Variants in LPIN3 observed in about 807,000 individuals in gnomAD.
The protein encoded by LPIN3 is phosphatidate phosphatase LPIN3.
LPIN3 carries 82 observed loss-of-function variants against 94.7 expected under a neutral mutation model. The ratio of observed to expected loss-of-function variants is 0.87; its 90% CI spans 0.72 to 1.04. The LOEUF is 1.04. Ranked by LOEUF, LPIN3 falls within the 50% of genes least tolerant of loss-of-function variation. The probability of loss-of-function intolerance (pLI) is 0.00; values close to 1 mark genes in which losing one functional copy is unlikely to be tolerated. For missense variants in LPIN3, 996 were observed against 1,090.5 expected (o/e 0.91, Z 1.22); for synonymous variants, 418 against 443.3 (o/e 0.94, Z 0.72).
chr20:41,355,856 T>C, intron 13 of LPIN3, 40 bp from the exon 14 acceptor site: 1 of 1,609,500 alleles, frequency 6.2e-7, no homozygotes, highest in South Asian at 1.1e-5. Flanking sequence ...GAAGGCCCTT[T>C]GGCTGGAGGA....
Position 41,354,840 on chromosome 20 carries a change from G to A in LPIN3, c.1641G>A (p.Lys547=). 2 of 1,585,332 alleles carry A rather than the reference G, an allele frequency of 1.3e-6. No homozygotes were observed. Among genetic ancestry groups the A allele is most frequent in the Non-Finnish European group, 8.6e-7 (1 of 1,165,416 alleles). ...LAEERSAQKE[K]TAAKEQQGEK... is the part of the protein sequence containing the mutation. ...CACAGCGCAGTGCCCAGAAGGAGAA[G>A]ACTGCAGCCAAGGAGCAGCAGGGGT... is the stretch of plus-strand genomic sequence containing the variant. Residue 547 remains lysine, a synonymous_variant, in exon 13 of 20, where the codon AAG becomes AAA. Coordinates refer to ENST00000373257, the MANE Select transcript of LPIN3 (RefSeq NM_022896.3).
intron 2 of LPIN3, among the ~76,000 whole-genome samples, chr20:41,347,030 A>G (rs1173960692): frequency 6.6e-6 from 1 of 152,222 alleles, no homozygotes; most frequent in East Asian, 1.9e-4. Flanking sequence ...CCAAAGCCTC[A>G]GTTTCCTCAT....
chr20:41,349,187 G>T lies in LPIN3; in HGVS notation c.638+15G>T. 1 of 1,612,402 alleles carries T rather than the reference G, an allele frequency of 6.2e-7. No individual in the cohort carries two copies. The highest frequency in any genetic ancestry group is 8.5e-7 in the Non-Finnish European group (1 of 1,178,770). On this transcript the variant is annotated intron_variant, in intron 5 of 19. Transcript: ENST00000373257. ...CCCCAGGCCAGGTAAGAGTCCAGGTGGGCTGCAGGCCAGGACTCCAGATCA... is the reference window on the plus strand; with the variant it reads ...CCCCAGGCCAGGTAAGAGTCCAGGTTGGCTGCAGGCCAGGACTCCAGATCA...
At chr20:41,347,496 T>C (rs988203747) in intron 2 of LPIN3, 56 bp from the exon 3 acceptor site, 1 of 1,553,710 alleles carries the variant, frequency 6.4e-7, no homozygotes, top group African/African-American at 1.4e-5. Context: ...AGGAGGCCTG[T>C]GGTCGGAAGC....
Position 41,352,235 on chromosome 20 carries a change from G to A in LPIN3, c.1363+15G>A, listed in dbSNP as rs2046047149. On this transcript the variant is annotated intron_variant, in intron 9 of 19. Coordinates refer to ENST00000373257, the MANE Select transcript of LPIN3 (RefSeq NM_022896.3). Reference sequence around the variant, plus strand: ...CATCTCCCTAGGTATGTTCGACCATGGCCAAGCCCTTTTGAGGGCTGGTGC... The same window carrying A: ...CATCTCCCTAGGTATGTTCGACCATAGCCAAGCCCTTTTGAGGGCTGGTGC... 1.2e-6 allele frequency: 2 copies of A among 1,613,544 alleles called. No individual in the cohort carries two copies. Among genetic ancestry groups the A allele is most frequent in the Non-Finnish European group, 1.7e-6 (2 of 1,179,620 alleles).
intron 14 of LPIN3, among the ~76,000 whole-genome samples, chr20:41,356,770 G>A (rs886896360): frequency 1.7e-4 from 26 of 152,266 alleles, no homozygotes; most frequent in African/African-American, 6.0e-4. Flanking sequence ...TCATGGATGC[G>A]GCTTTGTGGG....
chr20:41,348,973 G>A, intron 4 of LPIN3, 86 bp downstream of exon 4: 1 of 1,575,904 alleles, frequency 6.3e-7, no homozygotes, highest in East Asian at 2.2e-5. Context: ...TTGGGCAAGG[G>A]CCTTGACCTC....
Position 41,355,108 on chromosome 20 carries a change from G to A in LPIN3, c.1664+245G>A, listed in dbSNP as rs369872009. Among the ~76,000 whole-genome samples, 27 of 152,150 alleles carry A rather than the reference G, an allele frequency of 1.8e-4. 1 individual carries two copies. The East Asian group carries it at 2.1e-3, about 12-fold the overall frequency. On this transcript the variant is annotated intron_variant, in intron 13 of 19. Coordinates refer to ENST00000373257, the MANE Select transcript of LPIN3 (RefSeq NM_022896.3). ...TGGCTCACTGCAACCTCCACCTCCCGGGTTCAAGCGATTTTCCTGCCTCAG... is the reference window on the plus strand; with the variant it reads ...TGGCTCACTGCAACCTCCACCTCCCAGGTTCAAGCGATTTTCCTGCCTCAG...
In LPIN3 at chr20:41,359,238, C is replaced by T. The variant is rs954393722; in HGVS notation, c.*372C>T. Reference sequence around the variant, plus strand: ...GCAACCTCCGCCTCCCGGGTTCAAGCGATTCACCTGCCTCAGCCTCCCAAG... The same window carrying T: ...GCAACCTCCGCCTCCCGGGTTCAAGTGATTCACCTGCCTCAGCCTCCCAAG... On this transcript the variant is annotated 3_prime_UTR_variant, in exon 20 of 20. Coordinates refer to ENST00000373257, the MANE Select transcript of LPIN3 (RefSeq NM_022896.3). The T allele has an allele frequency of 3.9e-5, 6 of 155,536 alleles. No individual in the cohort carries two copies. The highest frequency in any genetic ancestry group is 4.2e-5 in the Non-Finnish European group (3 of 72,058). The allele number at this position is 155,536 out of a possible 1,614,324, so 9.6% of individuals were successfully genotyped here. A position where few individuals can be genotyped will look rare whatever the true frequency, so the allele number is the denominator to read the frequency against.
intron 14 of LPIN3, 33 bp from the exon 15 acceptor site, chr20:41,357,007 A>G: frequency 1.3e-6 from 2 of 1,599,916 alleles, no homozygotes; most frequent in African/African-American, 1.3e-5. Flanking sequence ...GGCTGTCATC[A>G]ATCACGACAC....
At position 41,358,050 on chromosome 20, in the gene LPIN3, C is replaced by G; in HGVS notation, c.2192+16C>G. ...CCCTCCACAGGTAACCACCCCTACA[C>G]ATACAAGCCCGTGGCCCCCTGGTGG... On this transcript the variant is annotated intron_variant, in intron 17 of 19. Coordinates refer to ENST00000373257, the MANE Select transcript of LPIN3 (RefSeq NM_022896.3). 2 of 1,581,464 alleles carry G rather than the reference C, an allele frequency of 1.3e-6. No homozygotes were observed. Among genetic ancestry groups the G allele is most frequent in the Non-Finnish European group, 1.7e-6 (2 of 1,164,334 alleles).
chr20:41,358,263 T>C lies in LPIN3; in HGVS notation c.2219T>C (p.Val740Ala), dbSNP rs1399610251. The C allele has an allele frequency of 4.3e-6, 7 of 1,613,762 alleles. No individual in the cohort carries two copies. Among genetic ancestry groups the C allele is most frequent in the African/African-American group, 1.3e-5 (1 of 74,854 alleles). The change falls in exon 18 of 20, where the codon GTG (valine) becomes GCG (alanine). Residue 740 changes from valine (V) to alanine (A), a missense_variant. Physicochemically the swap from Val to Ala is moderately conservative, Grantham distance 64. Transcript: ENST00000373257. The stretch of plus-strand genomic sequence containing the variant: ...GAGGTGATCGAGAAGAAACCAGAGG[T>C]GTTCAAGGTCGCCTGCCTGAGTGAC... ...HREVIEKKPE[V>A]FKVACLSDIQ...
chr20:41,349,960 G>C, intron 6 of LPIN3, 66 bp downstream of exon 6: 1 of 1,575,014 alleles, frequency 6.3e-7, no homozygotes, highest in Non-Finnish European at 8.6e-7. Flanking sequence ...ATGGGTCAGG[G>C]TTGGAGGGAC....
At chr20:41,353,273 T>C (rs1291033523) in intron 11 of LPIN3, among the ~76,000 whole-genome samples, 12 of 152,244 alleles carry the variant, frequency 7.9e-5, no homozygotes, top group Non-Finnish European at 1.5e-5. Flanking sequence ...TCCTCCAGGC[T>C]GGGCTGAAGG....
chr20:41,352,733 A>T, intron 10 of LPIN3, 34 bp downstream of exon 10: 1 of 1,612,856 alleles, frequency 6.2e-7, no homozygotes, highest in Non-Finnish European at 8.5e-7. Context: ...TGGCAGCCGG[A>T]GAGTCATTTC....
chr20:41,357,526 G>C (rs991032008), intron 16 of LPIN3, 79 bp downstream of exon 16: 3 of 1,266,350 alleles, frequency 2.4e-6, no homozygotes, highest in African/African-American at 3.0e-5. Context: ...GACATCTTGG[G>C]GACCAGCAGG....
Position 41,357,865 on chromosome 20 carries a change from C to T in LPIN3, c.2040-17C>T. On this transcript the variant is annotated splice_polypyrimidine_tract_variant and intron_variant, in intron 16 of 19. Coordinates refer to ENST00000373257, the MANE Select transcript of LPIN3 (RefSeq NM_022896.3). Reference sequence around the variant, plus strand: ...TGGTCTCTGATGGCTCTATGCCACCCTGTCCCCCACTCTCAGAAATGGGTA... The same window carrying T: ...TGGTCTCTGATGGCTCTATGCCACCTTGTCCCCCACTCTCAGAAATGGGTA... 6.2e-7 allele frequency: 1 copy of T among 1,613,938 alleles called. No homozygotes were observed.
intron 7 of LPIN3, 149 bp downstream of exon 7, chr20:41,350,546 G>A: frequency 1.6e-6 from 1 of 644,664 alleles, no homozygotes; most frequent in Non-Finnish European, 2.6e-6. Context: ...TGCAGTGTGG[G>A]AGACAGATGC....
At chr20:41,350,443 G>A (rs375135518) in intron 7 of LPIN3, 46 bp downstream of exon 7, 5 of 1,445,894 alleles carry the variant, frequency 3.5e-6, no homozygotes, top group Non-Finnish European at 4.6e-6. Flanking sequence ...GCCTCGCTCT[G>A]TCCCCTGGGT....
Sources: allele counts gnomAD v4.1 joint callset (sites outside exome capture counted in the v4.1 genomes callset), GRCh38; gene constraint gnomAD v4.1.1; transcripts MANE v1.5; gene names NCBI Gene and HGNC (gene_info 2026-07-23, HGNC 2026-07-21).